KLF17: variants seen among roughly 807,000 people sequenced by gnomAD.
KLF17 encodes KLF transcription factor 17, also known as Krueppel-like factor 17.
In KLF17, 31 loss-of-function variants were observed where a neutral mutation model predicts 34.2. The ratio of observed to expected loss-of-function variants is 0.91; its 90% CI spans 0.68 to 1.22. KLF17 has a LOEUF of 1.22. Ranked by LOEUF, KLF17 falls within the 50% of genes most tolerant of loss-of-function variation. The pLI is 0.00. For synonymous variants in KLF17, 179 were observed against 186.7 expected (o/e 0.96, Z 0.34); for missense variants, 478 against 505.2 (o/e 0.95, Z 0.52).
the KLF17 span, among the ~76,000 whole-genome samples, chr1:44,068,816 G>A: frequency 1.3e-5 from 2 of 152,174 alleles, no homozygotes; most frequent in Non-Finnish European, 2.9e-5. Context: ...TCTCCCCCAA[G>A]CTAGGCAGAA....
chr1:44,099,883 AAGAAAGAAAGAAAG>A, the KLF17 span, among the ~76,000 whole-genome samples: 1 of 77,996 alleles, frequency 1.3e-5, no homozygotes, highest in South Asian at 4.8e-4. Flanking sequence ...GAAAGAAAGA[AAGAAAGAAAGAAAG>A]AAAGAAAGAA....
chr1:44,083,605 G>GC, the KLF17 span, among the ~76,000 whole-genome samples: 3 of 151,992 alleles, frequency 2.0e-5, no homozygotes. Flanking sequence ...GACCAGCCTG[G>GC]CTAACATAGT....
At chr1:44,110,952 A>G in the KLF17 span, among the ~76,000 whole-genome samples, 1 of 151,406 alleles carries the variant, frequency 6.6e-6, no homozygotes, top group Admixed American at 6.6e-5. Context: ...GCGAAACCCC[A>G]TCTTAAAAAA....
chr1:44,122,290 G>T (rs897390816), intron 1 of KLF17: 2 of 1,601,994 alleles, frequency 1.2e-6, no homozygotes, highest in Non-Finnish European at 1.7e-6. Context: ...GTATCCAGAG[G>T]TAAACTGTCT....
Position 44,130,563 on chromosome 1 carries a change from G to C in KLF17, c.977G>C (p.Arg326Pro). ...GAAAGTTGTTCATGGTCTTTCTTCC[G>C]TTCTGATGAGCTTAGACGACATATG... is the stretch of plus-strand genomic sequence containing the variant. ...NWESCSWSFF[R>P]SDELRRHMRV... Residue 326 changes from arginine (R) to proline (P), a missense_variant, in exon 3 of 4, where the codon CGT becomes CCT. Arg to Pro is a moderately radical substitution (Grantham distance 103). Transcript: ENST00000372299. 1 of 1,614,060 alleles carries C rather than the reference G, an allele frequency of 6.2e-7. No homozygotes were observed. Among genetic ancestry groups the C allele is most frequent in the Non-Finnish European group, 8.5e-7 (1 of 1,180,002 alleles).
the KLF17 span, among the ~76,000 whole-genome samples, chr1:44,065,087 G>A: frequency 1.3e-5 from 2 of 152,116 alleles, no homozygotes; most frequent in Non-Finnish European, 2.9e-5. Context: ...AGGAGTTCGA[G>A]AGCAGTCTGG....
At chr1:44,103,388 C>A in the KLF17 span, 4 of 761,116 alleles carry the variant, frequency 5.3e-6, no homozygotes, top group African/African-American at 1.7e-5. Flanking sequence ...TCTTCACAAC[C>A]ACGGCCCTGG....
chr1:44,119,314 G>A (rs577015837), intron 1 of KLF17, among the ~76,000 whole-genome samples: 3 of 151,800 alleles, frequency 2.0e-5, no homozygotes, highest in African/African-American at 7.3e-5. Context: ...GCCGCGTGGC[G>A]GGTAAGAGGG....
chr1:44,111,635 T>C, the KLF17 span, among the ~76,000 whole-genome samples: 1 of 152,140 alleles, frequency 6.6e-6, no homozygotes, highest in Non-Finnish European at 1.5e-5. Flanking sequence ...AGAAATAGCC[T>C]GTAATCTCAG....
intron 1 of KLF17, chr1:44,122,267 A>G: frequency 3.7e-6 from 6 of 1,602,804 alleles, no homozygotes; most frequent in Non-Finnish European, 5.1e-6. Flanking sequence ...TAGGTTCAAC[A>G]TCCACAAGTA....
chr1:44,112,660 G>A, the KLF17 span, among the ~76,000 whole-genome samples: 3 of 152,182 alleles, frequency 2.0e-5, no homozygotes, highest in African/African-American at 4.8e-5. Flanking sequence ...CTCCCACCTC[G>A]GCCTTGCAAA....
At chr1:44,087,672 C>A in the KLF17 span, among the ~76,000 whole-genome samples, 2 of 144,064 alleles carry the variant, frequency 1.4e-5, no homozygotes, top group South Asian at 4.4e-4. Context: ...CCTCACATGA[C>A]CTTTCCTCTG....
chr1:44,069,186 G>A, the KLF17 span, among the ~76,000 whole-genome samples: 1 of 152,184 alleles, frequency 6.6e-6, no homozygotes, highest in Non-Finnish European at 1.5e-5. The surrounding 1 kb of genome is among the most constrained non-coding windows in gnomAD (Gnocchi z 4.7). Context: ...ACACTCCCTG[G>A]CAGGATAGGG....
chr1:44,066,082 C>T, the KLF17 span, among the ~76,000 whole-genome samples: 8 of 152,190 alleles, frequency 5.3e-5, no homozygotes, highest in African/African-American at 1.7e-4. Context: ...TTTGGGAGAC[C>T]GAGGTGGGAA....
At chr1:44,119,144 G>A (rs2087916167) in intron 1 of KLF17, among the ~76,000 whole-genome samples, 156 bp downstream of exon 1, 2 of 151,576 alleles carry the variant, frequency 1.3e-5, no homozygotes, top group Non-Finnish European at 2.9e-5. Context: ...TGGGAGATTG[G>A]GGAGGGGTTG....
the KLF17 span, among the ~76,000 whole-genome samples, chr1:44,081,429 T>C: frequency 3.3e-5 from 5 of 151,480 alleles, no homozygotes; most frequent in Non-Finnish European, 5.9e-5. Context: ...TTTTTTTTTT[T>C]TTCTTTTGAG....
chr1:44,070,354 C>T, the KLF17 span, among the ~76,000 whole-genome samples: 3 of 152,240 alleles, frequency 2.0e-5, no homozygotes, highest in East Asian at 1.9e-4. Flanking sequence ...TCCACCCTCT[C>T]GCCCTTCCGA....
At chr1:44,059,568 A>G in the KLF17 span, among the ~76,000 whole-genome samples, 29 of 152,178 alleles carry the variant, frequency 1.9e-4, no homozygotes, top group African/African-American at 6.5e-4. Flanking sequence ...AGACCTCCTA[A>G]CTAACCATAG....
At chr1:44,124,359 T>C (rs1223270874) in intron 1 of KLF17, among the ~76,000 whole-genome samples, 1 of 151,520 alleles carries the variant, frequency 6.6e-6, no homozygotes, top group African/African-American at 2.4e-5. Flanking sequence ...AGACAGAGTC[T>C]CGCTGTGTTG....
Sources: gnomAD v4.1 joint callset for allele counts (sites outside exome capture counted in the v4.1 genomes callset) on GRCh38, gnomAD v4.1.1 for gene constraint, Gnocchi (gnomAD v3.1) non-coding constraint, MANE v1.5 for transcripts, NCBI Gene and HGNC (gene_info 2026-07-23, HGNC 2026-07-21) for gene names.